ACER3: variants seen among roughly 807,000 people sequenced by gnomAD.
ACER3 encodes alkaline ceramidase 3, also known as alkCDase 3.
In ACER3, 16 loss-of-function variants were observed where a neutral mutation model predicts 48.9. That is an observed-to-expected ratio of 0.33 (90% CI 0.22 to 0.50). The LOEUF is 0.50. Ranked by LOEUF, ACER3 falls within the 20% of genes least tolerant of loss-of-function variation. ACER3 has a pLI of 0.98. For missense variants in ACER3, 227 were observed against 326.0 expected (o/e 0.70, Z 2.34); for synonymous variants, 109 against 107.8 (o/e 1.01, Z -0.07).
In ACER3 at chr11:76,996,398, C is replaced by CATT. The variant is rs113842907; in HGVS notation, c.439-2334_439-2332dup. Among the ~76,000 whole-genome samples the CATT allele has an allele frequency of 6.8e-3, 992 of 146,666 alleles. 6 individuals are homozygous for CATT. Among genetic ancestry groups the CATT allele is most frequent in the Middle Eastern group, 0.017 (5 of 292 alleles). On this transcript the variant is annotated intron_variant, in intron 6 of 10. Transcript: ENST00000532485. ...ATTGGTGAAACCTTCATTGGCTTTCCATTATTATTATTATTATTATTATTA... is the reference window on the plus strand; with the variant it reads ...ATTGGTGAAACCTTCATTGGCTTTCCATTATTATTATTATTATTATTATTATTA...
At chr11:76,863,614 A>C (rs1363367697) in intron 1 of ACER3, among the ~76,000 whole-genome samples, 2 of 152,210 alleles carry the variant, frequency 1.3e-5, no homozygotes, top group African/African-American at 4.8e-5. Context: ...GTTTAAAGCA[A>C]GTGCAATATT....
intron 1 of ACER3, among the ~76,000 whole-genome samples, chr11:76,876,782 T>A (rs939575703): frequency 6.6e-6 from 1 of 152,198 alleles, no homozygotes; most frequent in African/African-American, 2.4e-5. Context: ...TTAACTCTTG[T>A]CTTCTTTCGT....
chr11:76,872,967 A>G (rs529159912), intron 1 of ACER3, among the ~76,000 whole-genome samples: 2 of 125,526 alleles, frequency 1.6e-5, no homozygotes, highest in Admixed American at 1.0e-4. Flanking sequence ...GCTGAAGTTC[A>G]GTGGCATGAT....
chr11:76,896,307 C>T (rs191125257), intron 1 of ACER3, among the ~76,000 whole-genome samples: 3 of 152,144 alleles, frequency 2.0e-5, no homozygotes, highest in Admixed American at 2.0e-4. Context: ...GCATCAGAAC[C>T]TTTCGTGAAG....
chr11:76,991,535 G>T (rs569759153), intron 6 of ACER3, among the ~76,000 whole-genome samples: 3 of 151,726 alleles, frequency 2.0e-5, no homozygotes, highest in Middle Eastern at 3.5e-3. Context: ...CATCCTCACG[G>T]CCGGGCGTGG....
chr11:76,915,443 C>G (rs959061699), intron 1 of ACER3, among the ~76,000 whole-genome samples: 2 of 151,966 alleles, frequency 1.3e-5, no homozygotes, highest in African/African-American at 2.4e-5. Flanking sequence ...TACCCACCCC[C>G]CCGAGATCGT....
intron 2 of ACER3, among the ~76,000 whole-genome samples, chr11:76,954,807 G>C (rs1249664759): frequency 2.0e-5 from 3 of 151,992 alleles, no homozygotes; most frequent in African/African-American, 4.8e-5. Flanking sequence ...TCTCCATGTT[G>C]GGCAGGCTGG....
rs1366276551 is a variant in ACER3 at position 77,024,496 on chromosome 11, T to C, written c.*4169T>C. On this transcript the variant is annotated 3_prime_UTR_variant, in exon 11 of 11. Coordinates refer to ENST00000532485, the MANE Select transcript of ACER3 (RefSeq NM_018367.7). ...CAAACTGAAGATAAAACTCTGACTT[T>C]GGAGTATAAACTTTTGCCTTGAGTA... 3 of 152,098 alleles carry C rather than the reference T, an allele frequency of 2.0e-5. No homozygotes were observed. The highest frequency in any genetic ancestry group is 4.4e-5 in the Non-Finnish European group (3 of 68,026). The allele number at this position is 152,098 out of a possible 1,614,324, so 9.4% of individuals were successfully genotyped here.
chr11:76,982,982 A>C, intron 4 of ACER3, among the ~76,000 whole-genome samples: 1 of 152,184 alleles, frequency 6.6e-6, no homozygotes, highest in East Asian at 1.9e-4. Flanking sequence ...TAGTTACTGT[A>C]GCTTTATTGT....
intron 4 of ACER3, among the ~76,000 whole-genome samples, chr11:76,978,174 A>AGGGG (rs1948492465): frequency 6.6e-6 from 1 of 152,164 alleles, no homozygotes; most frequent in South Asian, 2.1e-4. Context: ...CTGGGCAGAA[A>AGGGG]GGGGCAGTCC....
chr11:76,941,404 A>G (rs1255439789), intron 2 of ACER3, among the ~76,000 whole-genome samples: 3 of 152,172 alleles, frequency 2.0e-5, no homozygotes, highest in African/African-American at 7.2e-5. Flanking sequence ...TGCTAGTTAT[A>G]ATTCTCAAAA....
chr11:77,002,931 C>G (rs1949063621), intron 7 of ACER3, among the ~76,000 whole-genome samples: 1 of 151,912 alleles, frequency 6.6e-6, no homozygotes, highest in Non-Finnish European at 1.5e-5. Context: ...TGATCAGGGC[C>G]TGGTGGGGAG....
At chr11:77,000,917 T>G (rs1458613875) in intron 7 of ACER3, among the ~76,000 whole-genome samples, 1 of 152,206 alleles carries the variant, frequency 6.6e-6, no homozygotes, top group Non-Finnish European at 1.5e-5. Flanking sequence ...CATATAAAGT[T>G]TAGAATAATA....
chr11:76,976,740 G>C (rs541243628), intron 4 of ACER3, among the ~76,000 whole-genome samples: 4 of 152,124 alleles, frequency 2.6e-5, no homozygotes, highest in Non-Finnish European at 4.4e-5. Flanking sequence ...TATAGTGATC[G>C]TGTCAACTTA....
chr11:76,878,424 A>G (rs897678411), intron 1 of ACER3, among the ~76,000 whole-genome samples: 2 of 152,114 alleles, frequency 1.3e-5, no homozygotes, highest in Non-Finnish European at 2.9e-5. Context: ...ACTGTATTAG[A>G]AGTTAAAACT....
intron 5 of ACER3, 119 bp downstream of exon 5, chr11:76,985,843 C>G: frequency 1.9e-6 from 1 of 528,104 alleles, no homozygotes. Flanking sequence ...CTACACAAAA[C>G]AAGAATATCA....
intron 2 of ACER3, among the ~76,000 whole-genome samples, chr11:76,928,835 C>A (rs1165648928): frequency 6.6e-6 from 1 of 152,140 alleles, no homozygotes; most frequent in Non-Finnish European, 1.5e-5. Context: ...TGTTTTGGTA[C>A]CAGTACCAGG....
intron 1 of ACER3, among the ~76,000 whole-genome samples, chr11:76,863,357 G>A (rs374980047): frequency 2.6e-5 from 4 of 152,222 alleles, no homozygotes; most frequent in African/African-American, 9.6e-5. Flanking sequence ...AATGTGCTCA[G>A]AAGAGGAAAC....
intron 3 of ACER3, among the ~76,000 whole-genome samples, chr11:76,959,514 A>C (rs1297919124): frequency 6.6e-6 from 1 of 152,118 alleles, no homozygotes; most frequent in Non-Finnish European, 1.5e-5. Context: ...AACTTTCTTA[A>C]AACATTATAA....
Sources: gnomAD v4.1 joint callset for allele counts (sites outside exome capture counted in the v4.1 genomes callset) on GRCh38, gnomAD v4.1.1 for gene constraint, MANE v1.5 for transcripts, NCBI Gene and HGNC (gene_info 2026-07-23, HGNC 2026-07-21) for gene names.